The following JPH2 variants were observed in gnomAD, a reference collection of about 807,000 sequenced individuals.
JPH2 encodes the protein junctophilin-2.
In JPH2, 38 loss-of-function variants were observed where a neutral mutation model predicts 55.9. The observed-to-expected ratio is 0.68, with a 90% CI of 0.52 to 0.89. The LOEUF (loss-of-function observed/expected upper bound fraction) is 0.89. Among genes scored for constraint, JPH2 ranks in the 40% least tolerant of loss-of-function variants. The pLI is 0.00. For missense variants in JPH2, 964 were observed against 1,037.6 expected (o/e 0.93, Z 0.97); for synonymous variants, 480 against 472.4 (o/e 1.02, Z -0.21).
At chr20:44,161,412 T>A (rs2425628) in intron 1 of JPH2, among the ~76,000 whole-genome samples, 2 of 151,876 alleles carry the variant, frequency 1.3e-5, no homozygotes, top group African/African-American at 4.8e-5. Context: ...CCAAGTCTTA[T>A]GTGTGTGGAG....
intron 2 of JPH2, among the ~76,000 whole-genome samples, chr20:44,138,030 C>T (rs572981956): frequency 2.3e-4 from 33 of 141,058 alleles, no homozygotes; most frequent in Admixed American, 4.2e-4. Context: ...TTTTTTGAGA[C>T]GGAGTCTTGC....
In JPH2 at chr20:44,160,472, T is replaced by C; in HGVS notation, c.380-65A>G. On this transcript the variant is annotated intron_variant, in intron 1 of 5. Transcript: ENST00000372980. This position sits in a 1 kb window ranked among gnomAD's most constrained non-coding sequence, Gnocchi z 4.9. ...GGGTCCCCGCGTGTGCACGGTGGCC[T>C]GGGAGGGCAAGGGCGGGAGTGGGCA... 2 of 1,549,112 alleles carry C rather than the reference T, an allele frequency of 1.3e-6. No homozygotes were observed. Among genetic ancestry groups the C allele is most frequent in the Admixed American group, 1.8e-5 (1 of 55,974 alleles).
chr20:44,111,417 G>A lies in JPH2; in HGVS notation c.*2101C>T, dbSNP rs2072142788. Reference sequence around the variant, plus strand: ...AGAAGCGAAGAAAGTGGCTGGGCTAGCATTGGAGGCTGGGGGGACTCCACC... The same window carrying A: ...AGAAGCGAAGAAAGTGGCTGGGCTAACATTGGAGGCTGGGGGGACTCCACC... On this transcript the variant is annotated 3_prime_UTR_variant, in exon 6 of 6. Transcript: ENST00000372980. Among the ~76,000 whole-genome samples, 1 of 152,202 alleles carries A rather than the reference G, an allele frequency of 6.6e-6. No individual in the cohort carries two copies. The highest frequency in any genetic ancestry group is 2.4e-5 in the African/African-American group (1 of 41,450).
rs974446019 is a variant in JPH2, at chr20:44,111,610, C to A, written c.*1908G>T. 6.6e-6 allele frequency: 1 copy of A among 152,268 alleles called. No individual in the cohort carries two copies. The highest frequency in any genetic ancestry group is 1.5e-5 in the Non-Finnish European group (1 of 68,124). 9.4% of individuals were successfully genotyped at this position (152,268 alleles called of 1,614,324 possible). ...AGAACAAGGACACAGATGGGAAGGA[C>A]CCACGTCCCCCAGCCTCTTCCCACC... On this transcript the variant is annotated 3_prime_UTR_variant, in exon 6 of 6. Transcript: ENST00000372980.
intron 1 of JPH2, among the ~76,000 whole-genome samples, chr20:44,166,841 T>G (rs1307336285): frequency 1.3e-5 from 2 of 152,174 alleles, no homozygotes; most frequent in Non-Finnish European, 2.9e-5. Flanking sequence ...CCGATACCCT[T>G]TGGACTGCCT....
chr20:44,113,856 G>A (rs1190802259), intron 5 of JPH2, among the ~76,000 whole-genome samples: 1 of 152,180 alleles, frequency 6.6e-6, no homozygotes, highest in East Asian at 1.9e-4. Context: ...AGCCCCTGTT[G>A]AAACATGGAA....
intron 1 of JPH2, among the ~76,000 whole-genome samples, chr20:44,166,558 C>G (rs1187084298): frequency 6.6e-6 from 1 of 152,200 alleles, no homozygotes; most frequent in Non-Finnish European, 1.5e-5. Flanking sequence ...AGGAGAGCAG[C>G]TCTTGGCCAC....
intron 4 of JPH2, 79 bp from the exon 5 acceptor site, chr20:44,114,955 C>T: frequency 1.8e-6 from 2 of 1,126,780 alleles, no homozygotes; most frequent in South Asian, 1.3e-5. Flanking sequence ...CAAGGCTGGA[C>T]AGAGCAGGAA....
chr20:44,139,925 G>A (rs1423770553), intron 2 of JPH2, among the ~76,000 whole-genome samples: 2 of 152,144 alleles, frequency 1.3e-5, no homozygotes, highest in Admixed American at 6.5e-5. Flanking sequence ...AGGCTGGAGT[G>A]CAGTGGTGCA....
intron 3 of JPH2, among the ~76,000 whole-genome samples, chr20:44,116,709 T>C (rs1381122524): frequency 6.6e-6 from 1 of 152,206 alleles, no homozygotes; most frequent in African/African-American, 2.4e-5. Flanking sequence ...TGCCCTTTAC[T>C]TTGGCACGCG....
chr20:44,134,743 AG>A (rs2072390310), intron 2 of JPH2, among the ~76,000 whole-genome samples: 1 of 53,210 alleles, frequency 1.9e-5, no homozygotes, highest in African/African-American at 7.3e-5. Flanking sequence ...AAATATATAA[AG>A]ATATATTTAT....
Position 44,111,529 on chromosome 20 carries a change from T to C in JPH2, c.*1989A>G, listed in dbSNP as rs1435330253. Among the ~76,000 whole-genome samples, 2 of 152,168 alleles carry C rather than the reference T, an allele frequency of 1.3e-5. No individual in the cohort carries two copies. Among genetic ancestry groups the C allele is most frequent in the Non-Finnish European group, 2.9e-5 (2 of 68,010 alleles). ...TAGAAACTCCACTGTAGAAGCTCTATGGTCTTTCAGCCCCCACTCAAACTG... is the reference window on the plus strand; with the variant it reads ...TAGAAACTCCACTGTAGAAGCTCTACGGTCTTTCAGCCCCCACTCAAACTG... On this transcript the variant is annotated 3_prime_UTR_variant, in exon 6 of 6. Transcript: ENST00000372980.
intron 1 of JPH2, among the ~76,000 whole-genome samples, chr20:44,172,366 A>G (rs1359508605): frequency 6.6e-6 from 1 of 152,216 alleles, no homozygotes; most frequent in Non-Finnish European, 1.5e-5. Context: ...CTCAGTTTGT[A>G]CTATTAGTCA....
At chr20:44,179,356 G>A (rs1216214170) in intron 1 of JPH2, among the ~76,000 whole-genome samples, 1 of 152,124 alleles carries the variant, frequency 6.6e-6, no homozygotes, top group African/African-American at 2.4e-5. Context: ...TCACTGCCAG[G>A]GAAGGAATAA....
Position 44,134,681 on chromosome 20 carries a change from AATATTATAAATAT to A in JPH2, c.1170-16071_1170-16059del, listed in dbSNP as rs2072387656. ...AAATATATATAAATATATATTTATA[AATATTATAAATAT>A]ATATACATTAATATATATTATAAAT... On this transcript the variant is annotated intron_variant, in intron 2 of 5. Coordinates refer to ENST00000372980, the MANE Select transcript of JPH2 (RefSeq NM_020433.5). 1.3e-4 allele frequency among the ~76,000 whole-genome samples: 2 copies of A among 15,876 alleles called. 1 individual carries two copies. The highest frequency in any genetic ancestry group is 5.7e-4 in the African/African-American group (2 of 3,512). 10.4% of individuals were successfully genotyped at this position (15,876 alleles called of 152,430 possible).
rs1445105795 is a variant in JPH2 at position 44,160,812 on chromosome 20, G to C, written c.380-405C>G. Among the ~76,000 whole-genome samples, 7 of 152,218 alleles carry C rather than the reference G, an allele frequency of 4.6e-5. No individual in the cohort carries two copies. Among genetic ancestry groups the C allele is most frequent in the Admixed American group, 4.6e-4 (7 of 15,290 alleles). On this transcript the variant is annotated intron_variant, in intron 1 of 5. Transcript: ENST00000372980. This position sits in a 1 kb window ranked among gnomAD's most constrained non-coding sequence, Gnocchi z 4.9. ...TATATGAGATCATGAGGTGGGGGCA[G>C]GTGGCTCACGCCTGTAATCCCAGCA...
chr20:44,176,941 C>G, intron 1 of JPH2: 1 of 985,500 alleles, frequency 1.0e-6, no homozygotes, highest in Non-Finnish European at 1.2e-6. Flanking sequence ...CAGCTCTACC[C>G]CATCCACAGC....
chr20:44,134,786 A>C (rs1338345391), intron 2 of JPH2, among the ~76,000 whole-genome samples: 1 of 99,914 alleles, frequency 1.0e-5, no homozygotes, highest in African/African-American at 3.9e-5. Flanking sequence ...ATAAATATAC[A>C]TAAATATACA....
rs1389682047 is a variant in JPH2 at position 44,160,053 on chromosome 20, C to T, written c.734G>A (p.Arg245His). Reference protein sequence around the residue: ...SRTSVGSQRSRVSFLKSDLSS... With the variant: ...SRTSVGSQRSHVSFLKSDLSS... ...GAGGTCGCTCTTAAGGAAGCTGACA[C>T]GGCTGCGCTGGCTACCCACGGACGT... is the stretch of plus-strand genomic sequence containing the variant. Residue 245 changes from arginine (R) to histidine (H), a missense_variant, in exon 2 of 6, where the codon CGT becomes CAT. Transcript: ENST00000372980. The surrounding 1 kb of genome is among the most constrained non-coding windows in gnomAD (Gnocchi z 4.9). 3.9e-6 allele frequency: 6 copies of T among 1,546,720 alleles called. No homozygotes were observed. The highest frequency in any genetic ancestry group is 5.2e-6 in the Non-Finnish European group (6 of 1,152,526).
Sources: gnomAD v4.1 joint callset for allele counts (sites outside exome capture counted in the v4.1 genomes callset) on GRCh38, gnomAD v4.1.1 for gene constraint, Gnocchi (gnomAD v3.1) non-coding constraint, MANE v1.5 for transcripts, NCBI Gene and HGNC (gene_info 2026-07-23, HGNC 2026-07-21) for gene names.